Variants in UGT2A2 observed in about 807,000 individuals in gnomAD.
UGT2A2 encodes UDP glucuronosyltransferase family 2 member A2.
UGT2A2 carries 60 observed loss-of-function variants against 50.7 expected under a neutral mutation model. That is an observed-to-expected ratio of 1.18 (90% CI 0.96 to 1.47). The LOEUF is 1.47. Among genes scored for constraint, UGT2A2 ranks in the 40% most tolerant of loss-of-function variants. The pLI, the probability that UGT2A2 is intolerant of heterozygous loss-of-function variation, is 0.00. For synonymous variants in UGT2A2, 242 were observed against 214.6 expected, an observed-to-expected ratio of 1.13 and a Z score of -1.11; for missense variants, 762 against 634.0, an observed-to-expected ratio of 1.20 and a Z score of -2.17.
intron 1 of UGT2A2, among the ~76,000 whole-genome samples, chr4:69,616,539 A>G (rs1042348606): frequency 6.6e-6 from 1 of 151,966 alleles, no homozygotes; most frequent in Admixed American, 6.6e-5. Flanking sequence ...ATGAAAACTT[A>G]AACAATTATA....
At chr4:69,631,675 G>T (rs1721395794) in intron 1 of UGT2A2, among the ~76,000 whole-genome samples, 1 of 152,220 alleles carries the variant, frequency 6.6e-6, no homozygotes, top group South Asian at 2.1e-4. Context: ...GGGCATTTCT[G>T]GGTGTGTCCA....
intron 1 of UGT2A2, among the ~76,000 whole-genome samples, chr4:69,624,903 A>G (rs1720955105): frequency 6.6e-6 from 1 of 151,232 alleles, no homozygotes; most frequent in Admixed American, 6.6e-5. Flanking sequence ...CCATTCGTCT[A>G]GATCGAAATT....
chr4:69,592,465 G>A (rs1028144124), intron 5 of UGT2A2, among the ~76,000 whole-genome samples: 2 of 152,066 alleles, frequency 1.3e-5, no homozygotes, highest in East Asian at 1.9e-4. Flanking sequence ...CAATAATAGC[G>A]GGAGGGTAAT....
intron 1 of UGT2A2, among the ~76,000 whole-genome samples, chr4:69,623,718 T>G (rs1720883839): frequency 6.6e-6 from 1 of 151,262 alleles, no homozygotes; most frequent in Non-Finnish European, 1.5e-5. Flanking sequence ...TTAGGATTCA[T>G]CTCAAGTTAG....
chr4:69,619,615 C>T (rs961916410), intron 1 of UGT2A2, among the ~76,000 whole-genome samples: 20 of 151,732 alleles, frequency 1.3e-4, no homozygotes, highest in African/African-American at 4.1e-4. Flanking sequence ...TTGTGTGAAA[C>T]TTAAACACAT....
chr4:69,591,246 G>A (rs1718581149), intron 5 of UGT2A2, among the ~76,000 whole-genome samples: 1 of 152,146 alleles, frequency 6.6e-6, no homozygotes, highest in Non-Finnish European at 1.5e-5. Context: ...TGCCCAAGGT[G>A]GCTGGGGTGC....
intron 1 of UGT2A2, among the ~76,000 whole-genome samples, chr4:69,620,623 T>TA (rs1720694875): frequency 7.9e-6 from 1 of 126,084 alleles, no homozygotes. Flanking sequence ...GAATTAGAAA[T>TA]AAAAAACTAT....
At chr4:69,637,209 A>G (rs1721761220) in intron 1 of UGT2A2, among the ~76,000 whole-genome samples, 1 of 152,188 alleles carries the variant, frequency 6.6e-6, no homozygotes, top group East Asian at 1.9e-4. Context: ...TTAAAAATAC[A>G]GAACTATACT....
At position 69,623,386 on chromosome 4, in the gene UGT2A2, C is replaced by T. The variant is rs906612376; in HGVS notation, c.742+15513G>A. ...CAAGTAATTTTTGTGAGAATCATCT[C>T]GAAGTAACACCACAAAGGCAGTGGA... On this transcript the variant is annotated intron_variant, in intron 1 of 5. Coordinates refer to ENST00000604629, the MANE Select transcript of UGT2A2 (RefSeq NM_001105677.2). Among the ~76,000 whole-genome samples, 29 of 151,522 alleles carry T rather than the reference C, an allele frequency of 1.9e-4. 1 individual carries two copies. Among genetic ancestry groups the T allele is most frequent in the African/African-American group, 5.3e-4 (22 of 41,298 alleles).
At position 69,602,461 on chromosome 4, in the gene UGT2A2, GTTTA is replaced by G. The variant is rs769025517; in HGVS notation, c.743-3071_743-3068del. Among the ~76,000 whole-genome samples, 131 of 101,880 alleles carry G rather than the reference GTTTA, an allele frequency of 1.3e-3. 25 individuals carry two copies. The highest frequency in any genetic ancestry group is 0.011 in the South Asian group (35 of 3,106). The allele number at this position is 101,880 out of a possible 152,430, so 66.8% of individuals were successfully genotyped here. A position where few individuals can be genotyped will look rare whatever the true frequency, so the allele number is the denominator to read the frequency against. ...TTTTTAGAATAACAAAGATTTAGGA[GTTTA>G]TCTATCTATCTATCTATCTATCTAT... On this transcript the variant is annotated intron_variant, in intron 1 of 5. Coordinates refer to ENST00000604629, the MANE Select transcript of UGT2A2 (RefSeq NM_001105677.2).
chr4:69,633,666 A>G (rs1477609278), intron 1 of UGT2A2, among the ~76,000 whole-genome samples: 1 of 152,238 alleles, frequency 6.6e-6, no homozygotes, highest in Non-Finnish European at 1.5e-5. Flanking sequence ...TTTCAAAAAC[A>G]TAATATTAAT....
chr4:69,618,512 T>A lies in UGT2A2; in HGVS notation c.743-19118A>T, dbSNP rs181762346. ...GTCTATTTCTGCTGCCAAAAATAAA[T>A]TTATTTTAACCATGTGGCCGTTGAA... On this transcript the variant is annotated intron_variant, in intron 1 of 5. Transcript: ENST00000604629. Among the ~76,000 whole-genome samples the A allele has an allele frequency of 1.4e-3, 209 of 152,056 alleles. 7 individuals are homozygous for A. In the South Asian group the frequency reaches 0.041, roughly 30 times the overall value.
intron 1 of UGT2A2, among the ~76,000 whole-genome samples, chr4:69,636,505 A>T (rs1402469359): frequency 6.6e-6 from 1 of 150,752 alleles, no homozygotes; most frequent in Non-Finnish European, 1.5e-5. Flanking sequence ...TAATTTCTTA[A>T]ATGATAGAAT....
intron 1 of UGT2A2, among the ~76,000 whole-genome samples, chr4:69,616,263 G>T (rs938108224): frequency 1.3e-5 from 2 of 151,920 alleles, no homozygotes; most frequent in African/African-American, 4.8e-5. Context: ...TATAAAGAGG[G>T]CATGATTAAT....
intron 5 of UGT2A2, among the ~76,000 whole-genome samples, chr4:69,590,651 G>A (rs893673367): frequency 4.9e-4 from 75 of 151,998 alleles, no homozygotes; most frequent in Non-Finnish European, 9.0e-4. Context: ...GTGTGTGTGT[G>A]TGTGTGTGTT....
At chr4:69,604,925 T>C (rs1719515720) in intron 1 of UGT2A2, among the ~76,000 whole-genome samples, 1 of 136,134 alleles carries the variant, frequency 7.3e-6, no homozygotes, top group African/African-American at 3.0e-5. Flanking sequence ...ATAAAGCAAG[T>C]CCTTAGAGAC....
At position 69,639,246 on chromosome 4, in the gene UGT2A2, A is replaced by G; in HGVS notation, c.395T>C (p.Ile132Thr). Reference protein sequence around the residue: ...KLLDTFFQINIQLCDGVLKNP... With the variant: ...KLLDTFFQINTQLCDGVLKNP... The stretch of plus-strand genomic sequence containing the variant: ...CTTTAGTACACCATCACAGAGTTGT[A>G]TGTTAATTTGAAAGAAAGTGTCTAG... The change falls in exon 1 of 6, where the codon ATA (isoleucine) becomes ACA (threonine). Residue 132 changes from isoleucine (I) to threonine (T), a missense_variant. Transcript: ENST00000604629. 6.2e-7 allele frequency: 1 copy of G among 1,613,662 alleles called. No individual in the cohort carries two copies.
At chr4:69,599,631 G>T in intron 1 of UGT2A2, 1 of 439,442 alleles carries the variant, frequency 2.3e-6, no homozygotes, top group Non-Finnish European at 3.8e-6. Context: ...CAGGCAAGCA[G>T]GGAGGGAGAG....
At chr4:69,624,388 C>T (rs1022606305) in intron 1 of UGT2A2, among the ~76,000 whole-genome samples, 6 of 150,984 alleles carry the variant, frequency 4.0e-5, no homozygotes, top group African/African-American at 1.2e-4. Context: ...AGAGTTTAGT[C>T]TTGCTTTTTT....
Sources: allele counts gnomAD v4.1 joint callset (sites outside exome capture counted in the v4.1 genomes callset), GRCh38; gene constraint gnomAD v4.1.1; transcripts MANE v1.5; gene names NCBI Gene and HGNC (gene_info 2026-07-23, HGNC 2026-07-21).